Variants in PTPRD observed in about 807,000 individuals in gnomAD.
PTPRD encodes receptor-type tyrosine-protein phosphatase delta.
In PTPRD, 34 loss-of-function variants were observed where a neutral mutation model predicts 214.5. The observed-to-expected ratio is 0.16, with a 90% confidence interval of 0.12 to 0.21. The LOEUF (loss-of-function observed/expected upper bound fraction) is 0.21, where lower values mean the gene tolerates loss of function less well. PTPRD is among the 10% of genes least tolerant of loss of function. PTPRD has a pLI of 1.00. For synonymous variants in PTPRD, 1,128 were observed against 845.7 expected, an observed-to-expected ratio of 1.33 and a Z score of -5.79; for missense variants, 2,545 against 2,398.7, an observed-to-expected ratio of 1.06 and a Z score of -1.27.
chr9:8,754,881 G>A (rs899037019), intron 11 of PTPRD, among the ~76,000 whole-genome samples: 5 of 152,132 alleles, frequency 3.3e-5, no homozygotes, highest in African/African-American at 1.2e-4. Context: ...TGGGGAAATG[G>A]GGTGGAGATA....
chr9:10,171,662 C>A (rs191622954), intron 3 of PTPRD, among the ~76,000 whole-genome samples: 1 of 152,162 alleles, frequency 6.6e-6, no homozygotes, highest in East Asian at 1.9e-4. Flanking sequence ...GTAGCTGGGA[C>A]CACAGGCGCC....
At chr9:10,236,260 C>A (rs1364310526) in intron 3 of PTPRD, among the ~76,000 whole-genome samples, 3 of 151,936 alleles carry the variant, frequency 2.0e-5, no homozygotes, top group Non-Finnish European at 2.9e-5. Flanking sequence ...ATTTAATTGG[C>A]AAATGGATCT....
intron 11 of PTPRD, among the ~76,000 whole-genome samples, chr9:8,971,522 G>T (rs993428884): frequency 6.6e-6 from 1 of 151,628 alleles, no homozygotes; most frequent in Non-Finnish European, 1.5e-5. Context: ...AATATTAAAT[G>T]AATTGATATA....
chr9:9,584,524 C>G (rs1809811769), intron 7 of PTPRD, among the ~76,000 whole-genome samples: 1 of 151,844 alleles, frequency 6.6e-6, no homozygotes, highest in Non-Finnish European at 1.5e-5. Flanking sequence ...GTACCTGCTT[C>G]TCTCTCCTGC....
intron 8 of PTPRD, among the ~76,000 whole-genome samples, chr9:9,565,024 G>T (rs371897173): frequency 6.7e-6 from 1 of 148,884 alleles, no homozygotes; most frequent in Non-Finnish European, 1.5e-5. Context: ...TTATCTCAAG[G>T]TCTCCAATGT....
intron 12 of PTPRD, among the ~76,000 whole-genome samples, chr9:8,732,209 C>G (rs1343233308): frequency 6.6e-6 from 1 of 152,114 alleles, no homozygotes; most frequent in Non-Finnish European, 1.5e-5. Context: ...CCACTTTTCA[C>G]CAGAGAATTA....
intron 5 of PTPRD, among the ~76,000 whole-genome samples, chr9:9,839,915 AAC>A (rs577386340): frequency 1.1e-4 from 16 of 151,924 alleles, no homozygotes; most frequent in South Asian, 2.1e-4. Context: ...TGCATTTTTA[AAC>A]ACACACACAC....
intron 9 of PTPRD, among the ~76,000 whole-genome samples, chr9:9,332,324 A>T (rs2042625198): frequency 6.6e-6 from 1 of 151,976 alleles, no homozygotes; most frequent in African/African-American, 2.4e-5. Context: ...ATACACTCAC[A>T]ATGCAGATAG....
intron 35 of PTPRD, 118 bp from the exon 36 acceptor site, chr9:8,404,778 C>T: frequency 8.0e-7 from 1 of 1,246,068 alleles, no homozygotes; most frequent in Non-Finnish European, 1.1e-6. Context: ...CATACTTCAT[C>T]AAGATGATCC....
Position 9,961,951 on chromosome 9 carries a change from A to G in PTPRD, c.-471-23341T>C, listed in dbSNP as rs143748913. ...AATTACCCTAATTTGACCCATCAAC[A>G]TATACAATTATTATGTACCAATTTA... On this transcript the variant is annotated intron_variant, in intron 4 of 45. Transcript: ENST00000381196. 2.8e-3 allele frequency among the ~76,000 whole-genome samples: 433 copies of G among 152,274 alleles called. 2 individuals are homozygous for G. The highest frequency in any genetic ancestry group is 3.9e-3 in the Non-Finnish European group (265 of 68,004).
chr9:10,459,358 C>T (rs1378569174), intron 2 of PTPRD, among the ~76,000 whole-genome samples: 1 of 152,080 alleles, frequency 6.6e-6, no homozygotes, highest in African/African-American at 2.4e-5. Context: ...CCGCAATAGA[C>T]ATATATGTGC....
At chr9:10,482,039 A>G (rs1251354922) in intron 2 of PTPRD, among the ~76,000 whole-genome samples, 1 of 152,176 alleles carries the variant, frequency 6.6e-6, no homozygotes, top group African/African-American at 2.4e-5. Context: ...AGAAATATAA[A>G]AAAGTGAATA....
At chr9:8,846,372 G>T (rs151315580) in intron 11 of PTPRD, among the ~76,000 whole-genome samples, 3 of 152,132 alleles carry the variant, frequency 2.0e-5, no homozygotes, top group Non-Finnish European at 4.4e-5. Context: ...CATGTAGTAG[G>T]AGCTGGAGAT....
rs1328706542 is a variant in PTPRD, at chr9:10,344,546, G to GT, written c.-599-3530dup. Among the ~76,000 whole-genome samples the GT allele has an allele frequency of 5.9e-5, 9 of 152,076 alleles. No homozygotes were observed. The East Asian group carries it at 1.3e-3, about 23-fold the overall frequency. On this transcript the variant is annotated intron_variant, in intron 2 of 45. Coordinates refer to ENST00000381196, the MANE Select transcript of PTPRD (RefSeq NM_002839.4). Reference sequence around the variant, plus strand: ...TTGGTTTCATACAAACTTTAAAGTAGTTTTTTTCCAATTCTGTGAAGAAAG... The same window carrying GT: ...TTGGTTTCATACAAACTTTAAAGTAGTTTTTTTTCCAATTCTGTGAAGAAAG...
chr9:10,002,329 TAA>T (rs1430336638), intron 4 of PTPRD, among the ~76,000 whole-genome samples: 4 of 67,730 alleles, frequency 5.9e-5, no homozygotes, highest in African/African-American at 8.3e-5. Context: ...TCTTTAAATA[TAA>T]ATATATATAT....
intron 21 of PTPRD, among the ~76,000 whole-genome samples, chr9:8,515,253 TG>T (rs1350240561): frequency 6.6e-6 from 1 of 152,224 alleles, no homozygotes; most frequent in Non-Finnish European, 1.5e-5. Context: ...CATTGGCAAG[TG>T]GGATAATTCC....
At position 9,128,934 on chromosome 9, in the gene PTPRD, G is replaced by A. The variant is rs12340461; in HGVS notation, c.-143+54370C>T. 2.4e-3 allele frequency among the ~76,000 whole-genome samples: 364 copies of A among 152,228 alleles called. 1 individual carries two copies. Among genetic ancestry groups the A allele is most frequent in the African/African-American group, 8.5e-3 (351 of 41,534 alleles). ...TAACATCATTTTTCTCATTCCAAAT[G>A]GACTTATGAAAGTCATAATAAATGA... On this transcript the variant is annotated intron_variant, in intron 10 of 45. Coordinates refer to ENST00000381196, the MANE Select transcript of PTPRD (RefSeq NM_002839.4).
chr9:9,780,415 AAC>A (rs2098833914), intron 5 of PTPRD, among the ~76,000 whole-genome samples: 1 of 152,180 alleles, frequency 6.6e-6, no homozygotes, highest in East Asian at 1.9e-4. Context: ...AAGCAATTAA[AAC>A]AATACCCAAT....
intron 10 of PTPRD, among the ~76,000 whole-genome samples, chr9:9,088,996 G>A (rs2099771660): frequency 6.6e-6 from 1 of 152,126 alleles, no homozygotes; most frequent in Non-Finnish European, 1.5e-5. Context: ...CTATTTTGAA[G>A]GGAACACAAG....
Sources: allele counts gnomAD v4.1 joint callset (sites outside exome capture counted in the v4.1 genomes callset), GRCh38; gene constraint gnomAD v4.1.1; transcripts MANE v1.5; gene names NCBI Gene and HGNC (gene_info 2026-07-23, HGNC 2026-07-21).